ERBB4: variants seen among roughly 807,000 people sequenced by gnomAD.
The protein encoded by ERBB4 is erb-b2 receptor tyrosine kinase 4.
Under a neutral mutation model 158.0 loss-of-function variants are expected in ERBB4, and 42 were observed. That is an observed-to-expected ratio of 0.27 (90% CI 0.21 to 0.34). The LOEUF is 0.34. ERBB4 is among the 10% of genes least tolerant of loss of function. The probability of loss-of-function intolerance (pLI) is 1.00; values close to 1 mark genes in which losing one functional copy is unlikely to be tolerated. For missense variants in ERBB4, 1,333 were observed against 1,624.1 expected (o/e 0.82, Z 3.08); for synonymous variants, 583 against 558.7 (o/e 1.04, Z -0.61).
At chr2:212,333,800 G>C (rs1240798763) in intron 1 of ERBB4, among the ~76,000 whole-genome samples, 8 of 151,872 alleles carry the variant, frequency 5.3e-5, no homozygotes, top group Admixed American at 5.3e-4. Context: ...GAGCTTGTTT[G>C]TGAACCAGAA....
At chr2:212,429,889 A>G (rs1345550843) in intron 1 of ERBB4, among the ~76,000 whole-genome samples, 1 of 152,204 alleles carries the variant, frequency 6.6e-6, no homozygotes. Flanking sequence ...CATAATTTGA[A>G]TTAATAGGTT....
intron 5 of ERBB4, among the ~76,000 whole-genome samples, chr2:211,732,748 C>T (rs186899877): frequency 9.2e-5 from 14 of 152,172 alleles, no homozygotes; most frequent in South Asian, 6.2e-4. Context: ...CACGAGGTCA[C>T]GAGTGACCAG....
intron 1 of ERBB4, among the ~76,000 whole-genome samples, chr2:212,211,808 A>C (rs1173578025): frequency 6.6e-6 from 1 of 151,998 alleles, no homozygotes; most frequent in African/African-American, 2.4e-5. Context: ...GAGTGAGAAC[A>C]TGCAGTGTTT....
chr2:212,219,090 G>C (rs949265219), intron 1 of ERBB4, among the ~76,000 whole-genome samples: 1 of 151,178 alleles, frequency 6.6e-6, no homozygotes, highest in Admixed American at 6.6e-5. Flanking sequence ...AAAGAATAGA[G>C]ATTTTGTAGA....
chr2:211,631,922 C>G (rs535076017), intron 16 of ERBB4, among the ~76,000 whole-genome samples: 1 of 152,128 alleles, frequency 6.6e-6, no homozygotes, highest in South Asian at 2.1e-4. Context: ...AAATAAACTT[C>G]TGCTCAGAGA....
intron 17 of ERBB4, among the ~76,000 whole-genome samples, chr2:211,628,031 G>T (rs2125866678): frequency 6.6e-6 from 1 of 152,026 alleles, no homozygotes; most frequent in Non-Finnish European, 1.5e-5. Context: ...TTTCACTGCT[G>T]GTATAATGAG....
At chr2:212,406,439 A>AT (rs1473580429) in intron 1 of ERBB4, among the ~76,000 whole-genome samples, 25 of 152,328 alleles carry the variant, frequency 1.6e-4, no homozygotes, top group Admixed American at 3.9e-4. Flanking sequence ...TTCTTGGTAT[A>AT]AAATGAGAAC....
rs1559293714 is a variant in ERBB4 at position 212,003,201 on chromosome 2, GAAAGACA to G, written c.235-55592_235-55586del. Reference sequence around the variant, plus strand: ...AGAAAGAAAGAAAGAAAGAAAGAAAGAAAGACAGAAAGAAGGAAGGAAGGAAGGAAGG... The same window carrying G: ...AGAAAGAAAGAAAGAAAGAAAGAAAGGAAAGAAGGAAGGAAGGAAGGAAGG... On this transcript the variant is annotated intron_variant, in intron 2 of 27. Transcript: ENST00000342788. Among the ~76,000 whole-genome samples, 167 of 53,032 alleles carry G rather than the reference GAAAGACA, an allele frequency of 3.1e-3. 6 individuals are homozygous for G. The highest frequency in any genetic ancestry group is 6.8e-3 in the South Asian group (10 of 1,460). 34.8% of individuals were successfully genotyped at this position (53,032 alleles called of 152,430 possible).
chr2:212,473,472 C>A (rs546739977), intron 1 of ERBB4, among the ~76,000 whole-genome samples: 1 of 152,062 alleles, frequency 6.6e-6, no homozygotes, highest in Non-Finnish European at 1.5e-5. Flanking sequence ...AAAAAAGTGC[C>A]AATTAAATGA....
At chr2:211,763,629 C>G (rs1289410141) in intron 4 of ERBB4, among the ~76,000 whole-genome samples, 1 of 151,932 alleles carries the variant, frequency 6.6e-6, no homozygotes, top group Non-Finnish European at 1.5e-5. Flanking sequence ...ATCTTACAGC[C>G]TTCCTTTTTT....
intron 1 of ERBB4, among the ~76,000 whole-genome samples, chr2:212,482,043 A>G (rs1271368049): frequency 1.3e-5 from 2 of 152,194 alleles, no homozygotes; most frequent in African/African-American, 4.8e-5. Flanking sequence ...TTCTCTATAA[A>G]CAGTCTGGAG....
At chr2:212,229,079 A>T (rs1249223115) in intron 1 of ERBB4, among the ~76,000 whole-genome samples, 1 of 152,226 alleles carries the variant, frequency 6.6e-6, no homozygotes, top group Admixed American at 6.6e-5. Context: ...GGGAAGAGAG[A>T]GAGACAGAGC....
intron 1 of ERBB4, among the ~76,000 whole-genome samples, chr2:212,294,466 A>AAAT (rs2086334812): frequency 6.6e-6 from 1 of 151,960 alleles, no homozygotes; most frequent in Non-Finnish European, 1.5e-5. Flanking sequence ...TTTTGTCTTA[A>AAAT]ATATTAAAAT....
At chr2:211,883,285 C>T (rs529063004) in intron 3 of ERBB4, among the ~76,000 whole-genome samples, 33 of 152,030 alleles carry the variant, frequency 2.2e-4, no homozygotes, top group East Asian at 3.9e-4. Context: ...CATCACACAC[C>T]GGGCCCTGTT....
intron 2 of ERBB4, among the ~76,000 whole-genome samples, chr2:212,019,696 G>C (rs1277344309): frequency 6.9e-6 from 1 of 145,088 alleles, no homozygotes; most frequent in Non-Finnish European, 1.5e-5. Flanking sequence ...CCAGGAGGTG[G>C]AGGTTGCAGT....
chr2:212,088,839 G>A (rs577357726), intron 2 of ERBB4, among the ~76,000 whole-genome samples: 3 of 152,086 alleles, frequency 2.0e-5, no homozygotes, highest in East Asian at 1.9e-4. Context: ...TTCATACAAT[G>A]GACATGTGTT....
intron 2 of ERBB4, among the ~76,000 whole-genome samples, chr2:211,976,729 A>T (rs560479467): frequency 2.6e-4 from 40 of 152,250 alleles, no homozygotes; most frequent in African/African-American, 9.1e-4. Context: ...TCAGTTGTAC[A>T]AAAAATCATA....
At chr2:212,189,639 C>A (rs962894524) in intron 1 of ERBB4, among the ~76,000 whole-genome samples, 1 of 152,186 alleles carries the variant, frequency 6.6e-6, no homozygotes, top group African/African-American at 2.4e-5. Flanking sequence ...TAGTGCACTG[C>A]ACTAAATGTG....
chr2:212,185,021 C>CTTTTTTTTTTTCTTTTT (rs1553584050), intron 1 of ERBB4, among the ~76,000 whole-genome samples: 1,928 of 132,178 alleles, frequency 0.015, 85 homozygotes, highest in African/African-American at 0.052. Context: ...ACTTTTTTTT[C>CTTTTTTTTTTTCTTTTT]TTTTTTTTTT....
Sources: gnomAD v4.1 joint callset for allele counts (sites outside exome capture counted in the v4.1 genomes callset) on GRCh38, gnomAD v4.1.1 for gene constraint, MANE v1.5 for transcripts, NCBI Gene and HGNC (gene_info 2026-07-23, HGNC 2026-07-21) for gene names.